Variants in KIF6 observed in about 807,000 individuals in gnomAD.
KIF6 encodes the protein kinesin-like protein KIF6.
A neutral mutation model predicts 112.7 loss-of-function variants in KIF6; 106 were observed. That is an observed-to-expected ratio of 0.94 (90% CI 0.80 to 1.11). The LOEUF is 1.11. Among genes scored for constraint, KIF6 ranks in the 50% least tolerant of loss-of-function variants. KIF6 has a pLI of 0.00. For missense variants in KIF6, 929 were observed against 964.0 expected (o/e 0.96, Z 0.48); for synonymous variants, 339 against 339.9 (o/e 1.00, Z 0.03).
chr6:39,712,785 C>T (rs1017148758), intron 3 of KIF6, among the ~76,000 whole-genome samples: 1 of 152,166 alleles, frequency 6.6e-6, no homozygotes, highest in African/African-American at 2.4e-5. Context: ...GGGAACATCA[C>T]ACCCCAGAGC....
chr6:39,569,532 T>G (rs961716342), intron 10 of KIF6, among the ~76,000 whole-genome samples: 11 of 152,236 alleles, frequency 7.2e-5, no homozygotes, highest in African/African-American at 2.7e-4. Context: ...ATTGAAGAAC[T>G]AAATCAAATT....
At chr6:39,522,294 C>A (rs1274900080) in intron 13 of KIF6, among the ~76,000 whole-genome samples, 1 of 152,144 alleles carries the variant, frequency 6.6e-6, no homozygotes, top group Non-Finnish European at 1.5e-5. Context: ...GGTCCCACTA[C>A]CCACTCTTTC....
At chr6:39,478,624 A>C (rs1367030769) in intron 13 of KIF6, among the ~76,000 whole-genome samples, 4 of 151,274 alleles carry the variant, frequency 2.6e-5, no homozygotes. Flanking sequence ...ACTGTTTTCC[A>C]TGGTGGTTGT....
chr6:39,434,127 A>G (rs1276628841), intron 13 of KIF6, among the ~76,000 whole-genome samples: 1 of 152,172 alleles, frequency 6.6e-6, no homozygotes, highest in African/African-American at 2.4e-5. Flanking sequence ...TCACCTTGCT[A>G]ATGAGACAAT....
At chr6:39,495,573 AAAGGTTTT>A (rs1449469723) in intron 13 of KIF6, among the ~76,000 whole-genome samples, 1 of 152,208 alleles carries the variant, frequency 6.6e-6, no homozygotes, top group Non-Finnish European at 1.5e-5. Flanking sequence ...CTGGAAGGTT[AAAGGTTTT>A]ACGCAAATAA....
rs1762863308 is a variant in KIF6, at chr6:39,335,031, A to G, written c.*1501T>C. The G allele has an allele frequency of 6.6e-6, 1 of 152,188 alleles. No individual in the cohort carries two copies. Among genetic ancestry groups the G allele is most frequent in the Admixed American group, 6.5e-5 (1 of 15,284 alleles). 9.4% of individuals were successfully genotyped at this position (152,188 alleles called of 1,614,324 possible). A position where few individuals can be genotyped will look rare whatever the true frequency, so the allele number is the denominator to read the frequency against. On this transcript the variant is annotated 3_prime_UTR_variant, in exon 23 of 23. Coordinates refer to ENST00000287152, the MANE Select transcript of KIF6 (RefSeq NM_145027.6). Reference sequence around the variant, plus strand: ...CTGGGTTCTGGCTCGTCTACTCATGAACTGAAGGACCGTTTACTGAACAGC... The same window carrying G: ...CTGGGTTCTGGCTCGTCTACTCATGGACTGAAGGACCGTTTACTGAACAGC...
chr6:39,712,298 G>GAA (rs1014108618), intron 3 of KIF6, among the ~76,000 whole-genome samples: 11 of 149,528 alleles, frequency 7.4e-5, no homozygotes, highest in African/African-American at 2.5e-4. Context: ...AAGGCTGACA[G>GAA]AAAAAAATAG....
intron 18 of KIF6, among the ~76,000 whole-genome samples, chr6:39,359,864 C>T (rs1471286766): frequency 1.3e-5 from 2 of 152,172 alleles, no homozygotes; most frequent in Non-Finnish European, 2.9e-5. Flanking sequence ...GCTGGGATTA[C>T]AGGCATGAGC....
At position 39,539,882 on chromosome 6, in the gene KIF6, G is replaced by C. The variant is rs1778689494; in HGVS notation, c.1645+121C>G. On this transcript the variant is annotated intron_variant, in intron 13 of 22. Coordinates refer to ENST00000287152, the MANE Select transcript of KIF6 (RefSeq NM_145027.6). ...GGTATTTAATTTAAGATAATTGATA[G>C]TTATAAAAAATAATTCTAACAAAGA... 9 of 731,636 alleles carry C rather than the reference G, an allele frequency of 1.2e-5. No individual in the cohort carries two copies. The South Asian group carries it at 1.8e-4, about 15-fold the overall frequency. 45.3% of individuals were successfully genotyped at this position (731,636 alleles called of 1,614,324 possible). A position where few individuals can be genotyped will look rare whatever the true frequency, so the allele number is the denominator to read the frequency against.
intron 3 of KIF6, among the ~76,000 whole-genome samples, chr6:39,705,582 A>T (rs1207137358): frequency 2.6e-5 from 4 of 152,202 alleles, no homozygotes; most frequent in Admixed American, 2.6e-4. Context: ...AGCCAGGAAC[A>T]CTACAGTGAA....
intron 16 of KIF6, among the ~76,000 whole-genome samples, chr6:39,365,158 T>C (rs979539255): frequency 6.6e-6 from 1 of 152,216 alleles, no homozygotes; most frequent in Admixed American, 6.5e-5. Flanking sequence ...AGCTTACTGA[T>C]AACTATGCTA....
At chr6:39,643,884 C>T (rs1211703557) in intron 3 of KIF6, among the ~76,000 whole-genome samples, 1 of 152,014 alleles carries the variant, frequency 6.6e-6, no homozygotes, top group Non-Finnish European at 1.5e-5. Context: ...GAAAAGACAA[C>T]ACAATGGAGA....
intron 3 of KIF6, among the ~76,000 whole-genome samples, chr6:39,664,225 A>G (rs984530104): frequency 6.6e-6 from 1 of 152,156 alleles, no homozygotes; most frequent in African/African-American, 2.4e-5. Context: ...AGGGTGGGGT[A>G]GTAGCGATCC....
chr6:39,720,535 C>T (rs1243109649), intron 2 of KIF6, among the ~76,000 whole-genome samples, 167 bp downstream of exon 2: 1 of 152,022 alleles, frequency 6.6e-6, no homozygotes, highest in Non-Finnish European at 1.5e-5. Context: ...TGACCTTGGG[C>T]ACAGCAGTGA....
chr6:39,497,566 C>T (rs1775860619), intron 13 of KIF6, among the ~76,000 whole-genome samples: 1 of 152,104 alleles, frequency 6.6e-6, no homozygotes, highest in African/African-American at 2.4e-5. Flanking sequence ...GGGTCCTAAC[C>T]ATCAGTCTAA....
chr6:39,689,042 C>T (rs1788030124), intron 3 of KIF6, among the ~76,000 whole-genome samples: 1 of 151,980 alleles, frequency 6.6e-6, no homozygotes, highest in Admixed American at 6.6e-5. Context: ...CACTGAAGCC[C>T]AGGAGTTCGA....
intron 13 of KIF6, among the ~76,000 whole-genome samples, chr6:39,538,901 G>A (rs1323780592): frequency 1.3e-5 from 2 of 150,984 alleles, no homozygotes; most frequent in South Asian, 2.1e-4. Flanking sequence ...AAAATGATGA[G>A]TTCATGTCCT....
chr6:39,361,558 CAA>C (rs1242586612), intron 17 of KIF6, among the ~76,000 whole-genome samples: 1,129 of 44,610 alleles, frequency 0.025, 4 homozygotes, highest in African/African-American at 0.072. Flanking sequence ...GGCTCCATCT[CAA>C]AAAAAAAAAA....
chr6:39,419,944 T>C lies in KIF6; in HGVS notation c.1810+4A>G, dbSNP rs1489418514. On this transcript the variant is annotated splice_donor_region_variant and intron_variant, in intron 15 of 22. Coordinates refer to ENST00000287152, the MANE Select transcript of KIF6 (RefSeq NM_145027.6). ...AAGAGGCTCACAGAATATCATCTGC[T>C]TACCAATTTTACTTCTTGCTTCATT... The C allele has an allele frequency of 3.1e-6, 5 of 1,611,020 alleles. No individual in the cohort carries two copies. The highest frequency in any genetic ancestry group is 1.1e-5 in the South Asian group (1 of 91,034).
Sources: allele counts gnomAD v4.1 joint callset (sites outside exome capture counted in the v4.1 genomes callset), GRCh38; gene constraint gnomAD v4.1.1; transcripts MANE v1.5; gene names NCBI Gene and HGNC (gene_info 2026-07-23, HGNC 2026-07-21).